The following DTNA variants were observed in gnomAD, a reference collection of about 807,000 sequenced individuals.
DTNA encodes dystrobrevin alpha, also known as dystrophin-related protein 3.
In DTNA, 43 loss-of-function variants were observed where a neutral mutation model predicts 100.7. The ratio of observed to expected loss-of-function variants is 0.43; its 90% CI spans 0.33 to 0.55. The LOEUF (loss-of-function observed/expected upper bound fraction) is 0.55, where lower values mean the gene tolerates loss of function less well. Ranked by LOEUF, DTNA falls within the 20% of genes least tolerant of loss-of-function variation. DTNA has a pLI of 0.04. For missense variants in DTNA, 798 were observed against 953.9 expected, an observed-to-expected ratio of 0.84 and a Z score of 2.15; for synonymous variants, 349 against 347.9, an observed-to-expected ratio of 1.00 and a Z score of -0.04.
rs139415675 is a variant in DTNA, at chr18:34,563,616, T to A, written c.-2+70102T>A. ...GCTCTCATCCTTCCCACCTCATCAG[T>A]TCCTCCTTCCTCTTCTGCTATATCC... On this transcript the variant is annotated intron_variant, in intron 1 of 19. Coordinates refer to the DTNA transcript ENST00000283365. Among the ~76,000 whole-genome samples, 40 of 152,310 alleles carry A rather than the reference T, an allele frequency of 2.6e-4. 1 individual carries two copies. In the Middle Eastern group the frequency reaches 0.014, roughly 52 times the overall value.
chr18:34,853,562 G>A (rs1279461238), intron 15 of DTNA, among the ~76,000 whole-genome samples: 1 of 152,052 alleles, frequency 6.6e-6, no homozygotes, highest in Non-Finnish European at 1.5e-5. Flanking sequence ...GATAGAAATA[G>A]CTTCATAAAT....
chr18:34,702,267 A>C (rs1452574196), intron 1 of DTNA, among the ~76,000 whole-genome samples: 1 of 152,150 alleles, frequency 6.6e-6, no homozygotes, highest in Non-Finnish European at 1.5e-5. Context: ...AAATCACCTC[A>C]GATGTGACAT....
At chr18:34,760,350 G>T (rs2093062287) in intron 2 of DTNA, among the ~76,000 whole-genome samples, 1 of 152,086 alleles carries the variant, frequency 6.6e-6, no homozygotes, top group African/African-American at 2.4e-5. Flanking sequence ...TGAAGTCAGA[G>T]AATTTAAAGA....
intron 11 of DTNA, among the ~76,000 whole-genome samples, chr18:34,834,095 G>T (rs924403254): frequency 6.6e-6 from 1 of 152,084 alleles, no homozygotes; most frequent in Non-Finnish European, 1.5e-5. Flanking sequence ...ATAAAATATT[G>T]TGATAATATA....
chr18:34,863,858 G>A, intron 16 of DTNA, 108 bp from the exon 17 acceptor site: 4 of 1,037,800 alleles, frequency 3.9e-6, no homozygotes, highest in Middle Eastern at 2.2e-4. Flanking sequence ...CCTTGTCAGA[G>A]ACCCAGAGAT....
intron 1 of DTNA, among the ~76,000 whole-genome samples, chr18:34,567,172 A>G (rs2730110): frequency 0.092 from 14,051 of 152,206 alleles, 652 homozygotes; most frequent in South Asian, 0.11. Flanking sequence ...GCTTGCGTCA[A>G]CTAACATTTT....
At chr18:34,581,028 G>A (rs207476743) in intron 1 of DTNA, among the ~76,000 whole-genome samples, 1 of 152,088 alleles carries the variant, frequency 6.6e-6, no homozygotes, top group African/African-American at 2.4e-5. Flanking sequence ...GGCGGATCAC[G>A]AGGTCAGGAA....
chr18:34,557,824 TTGTC>T (rs2046239895), intron 1 of DTNA, among the ~76,000 whole-genome samples: 1 of 152,170 alleles, frequency 6.6e-6, no homozygotes, highest in South Asian at 2.1e-4. Flanking sequence ...GCCTTTTTGT[TTGTC>T]TGTGCCCTGC....
intron 1 of DTNA, among the ~76,000 whole-genome samples, chr18:34,611,563 G>T (rs1160288368): frequency 6.6e-6 from 1 of 152,130 alleles, no homozygotes; most frequent in South Asian, 2.1e-4. Context: ...GAGACTCCAG[G>T]CATACTCTGT....
At chr18:34,597,081 TTA>T (rs1300792999) in intron 1 of DTNA, among the ~76,000 whole-genome samples, 1 of 152,176 alleles carries the variant, frequency 6.6e-6, no homozygotes, top group Non-Finnish European at 1.5e-5. Flanking sequence ...CAACTCCCAC[TTA>T]TGAATGAGAA....
intron 1 of DTNA, among the ~76,000 whole-genome samples, chr18:34,606,916 A>G (rs1353330724): frequency 6.6e-6 from 1 of 152,156 alleles, no homozygotes; most frequent in Non-Finnish European, 1.5e-5. Flanking sequence ...ATGTCATTGT[A>G]AGGGGTTTGG....
chr18:34,628,082 C>T (rs557482191), intron 1 of DTNA, among the ~76,000 whole-genome samples: 16 of 152,190 alleles, frequency 1.1e-4, no homozygotes, highest in African/African-American at 3.4e-4. Context: ...TGAGCCACTG[C>T]GCCTGGCACA....
intron 1 of DTNA, among the ~76,000 whole-genome samples, chr18:34,723,628 G>T (rs1374593797): frequency 6.6e-6 from 1 of 152,176 alleles, no homozygotes; most frequent in Non-Finnish European, 1.5e-5. Flanking sequence ...GCCAGGCACG[G>T]TGGCTCAGGC....
At position 34,858,347 on chromosome 18, in the gene DTNA, C is replaced by T. The variant is rs1461545625; in HGVS notation, c.1595C>T (p.Pro532Leu). Reference protein sequence around the residue: ...LEHEQASQPTPEKAQQNPTLL... With the variant: ...LEHEQASQPTLEKAQQNPTLL... ...CATGAACAAGCTTCTCAGCCCACGC[C>T]AGAGAAGGCACAGCAAAACCCCACC... is the stretch of plus-strand genomic sequence containing the variant. The change falls in exon 16 of 23, where the codon CCA becomes CTA. Residue 532 changes from proline to leucine, a missense_variant. This residue lies in a region of DTNA where 159 missense variants were observed against 201.2 expected (regional missense o/e 0.79). Coordinates refer to ENST00000444659, the MANE Select transcript of DTNA (RefSeq NM_001386795.1). 1 of 1,614,140 alleles carries T rather than the reference C, an allele frequency of 6.2e-7. No homozygotes were observed. The highest frequency in any genetic ancestry group is 8.5e-7 in the Non-Finnish European group (1 of 1,180,028).
intron 1 of DTNA, among the ~76,000 whole-genome samples, chr18:34,571,839 A>G (rs1040120715): frequency 3.7e-4 from 57 of 152,160 alleles, no homozygotes; most frequent in African/African-American, 1.3e-3. Flanking sequence ...TACCTGGGCC[A>G]CACACACATT....
At chr18:34,708,649 A>T (rs73418321), upstream of DTNA, among the ~76,000 whole-genome samples, 1,791 of 152,278 alleles carry the variant, frequency 0.012, 40 homozygotes, top group African/African-American at 0.041. Context: ...CTGTGTTGTT[A>T]TGTAAACCTA....
chr18:34,583,372 A>AT (rs1355929947), intron 1 of DTNA, among the ~76,000 whole-genome samples: 1 of 152,106 alleles, frequency 6.6e-6, no homozygotes, highest in Non-Finnish European at 1.5e-5. Context: ...TGGTGGGATC[A>AT]TTTTGGAGAG....
chr18:34,886,521 A>G (rs905582162), intron 22 of DTNA, among the ~76,000 whole-genome samples: 1 of 152,228 alleles, frequency 6.6e-6, no homozygotes, highest in African/African-American at 2.4e-5. Context: ...ACATTATTTA[A>G]ACATCAGTAG....
chr18:34,889,555 G>A lies in DTNA; in HGVS notation c.*1821G>A. 1.0e-6 allele frequency: 1 copy of A among 985,432 alleles called. No homozygotes were observed. Among genetic ancestry groups the A allele is most frequent in the Non-Finnish European group, 1.2e-6 (1 of 829,944 alleles). The allele number at this position is 985,432 out of a possible 1,614,324, so 61.0% of individuals were successfully genotyped here. ...GAACCCACACACCAAGTTCGTAGTT[G>A]GTAGGTGCCCAGCCAAGTCCTGACA... On this transcript the variant is annotated 3_prime_UTR_variant, in exon 23 of 23. Transcript: ENST00000444659.
Sources: allele counts gnomAD v4.1 joint callset (sites outside exome capture counted in the v4.1 genomes callset), GRCh38; gene constraint gnomAD v4.1.1; regional missense constraint gnomAD v4.1.1; transcripts MANE v1.5; gene names NCBI Gene and HGNC (gene_info 2026-07-23, HGNC 2026-07-21).